FBXL17: variants seen among roughly 807,000 people sequenced by gnomAD.
FBXL17 encodes the protein F-box/LRR-repeat protein 17.
A neutral mutation model predicts 66.2 loss-of-function variants in FBXL17; 22 were observed. That is an observed-to-expected ratio of 0.33 (90% confidence interval 0.24 to 0.47). The LOEUF (loss-of-function observed/expected upper bound fraction) is 0.47. Among genes scored for constraint, FBXL17 ranks in the 20% least tolerant of loss-of-function variants. The pLI is 1.00. For synonymous variants in FBXL17, 474 were observed against 400.5 expected, an observed-to-expected ratio of 1.18 and a Z score of -2.19; for missense variants, 878 against 948.2, an observed-to-expected ratio of 0.93 and a Z score of 0.97.
chr5:108,127,309 T>A (rs1408887037), intron 6 of FBXL17, among the ~76,000 whole-genome samples: 1 of 152,238 alleles, frequency 6.6e-6, no homozygotes, highest in Non-Finnish European at 1.5e-5. Context: ...AGAACTACAA[T>A]GATGATTAAC....
intron 6 of FBXL17, among the ~76,000 whole-genome samples, chr5:108,076,186 A>G (rs1748538395): frequency 6.6e-6 from 1 of 152,056 alleles, no homozygotes; most frequent in African/African-American, 2.4e-5. Flanking sequence ...TTTGTCTTTG[A>G]GCTTATATCT....
At chr5:107,983,042 G>C (rs1194144173) in intron 7 of FBXL17, among the ~76,000 whole-genome samples, 2 of 151,968 alleles carry the variant, frequency 1.3e-5, no homozygotes. Flanking sequence ...AGCCCCTTCA[G>C]TCAGCCTCTG....
At chr5:108,160,522 G>A (rs1425661188) in intron 6 of FBXL17, among the ~76,000 whole-genome samples, 1 of 152,042 alleles carries the variant, frequency 6.6e-6, no homozygotes, top group Non-Finnish European at 1.5e-5. Flanking sequence ...CATTCTACTG[G>A]GGCAAAATGA....
At chr5:108,021,136 C>CA in intron 6 of FBXL17, 135 bp from the exon 7 acceptor site, 1 of 581,992 alleles carries the variant, frequency 1.7e-6, no homozygotes, top group South Asian at 2.5e-5. Context: ...GTATTATATT[C>CA]CCTGCTTTAA....
Position 108,382,003 on chromosome 5 carries a change from G to T in FBXL17, c.-312C>A, listed in dbSNP as rs537448468. 1.6e-4 allele frequency: 180 copies of T among 1,154,348 alleles called. 1 individual carries two copies. In the African/African-American group the frequency reaches 2.7e-3, roughly 17 times the overall value. 71.5% of individuals were successfully genotyped at this position (1,154,348 alleles called of 1,614,324 possible). A position where few individuals can be genotyped will look rare whatever the true frequency, so the allele number is the denominator to read the frequency against. On this transcript the variant is annotated 5_prime_UTR_variant, in exon 1 of 9. Coordinates refer to ENST00000542267, the MANE Select transcript of FBXL17 (RefSeq NM_001163315.3). ...GCGACCAGTCCGGGCCCGGCCAGCC[G>T]GCTCAGTCAGTCAGCGGAGCGGCCG...
chr5:108,212,503 G>A (rs577177766), intron 5 of FBXL17, among the ~76,000 whole-genome samples: 10 of 152,208 alleles, frequency 6.6e-5, no homozygotes, highest in Admixed American at 6.5e-4. Context: ...CGTGACCTCT[G>A]AATGGGGTCT....
At chr5:108,158,895 CT>C (rs1028252134) in intron 6 of FBXL17, among the ~76,000 whole-genome samples, 1 of 151,882 alleles carries the variant, frequency 6.6e-6, no homozygotes, top group Admixed American at 6.6e-5. Context: ...CTTGATGAGT[CT>C]TTTTGGTTTT....
chr5:107,880,664 G>A, intron 8 of FBXL17: 1 of 1,206,062 alleles, frequency 8.3e-7, no homozygotes, highest in Non-Finnish European at 1.0e-6. Flanking sequence ...CTTTACTGTT[G>A]CTGGAAACTT....
At chr5:108,062,320 A>C (rs1312551738) in intron 6 of FBXL17, among the ~76,000 whole-genome samples, 1 of 152,192 alleles carries the variant, frequency 6.6e-6, no homozygotes, top group South Asian at 2.1e-4. Context: ...TTAAGTAAGC[A>C]TATTAGCATA....
intron 6 of FBXL17, among the ~76,000 whole-genome samples, chr5:108,098,111 T>C (rs978332905): frequency 1.3e-5 from 2 of 152,098 alleles, no homozygotes; most frequent in Non-Finnish European, 1.5e-5. Flanking sequence ...GATGGAAACA[T>C]AGTGACTTCA....
chr5:107,946,256 TA>T (rs1326919246), intron 7 of FBXL17, among the ~76,000 whole-genome samples: 5,973 of 16,330 alleles, frequency 0.37, 523 homozygotes, highest in South Asian at 0.4. Context: ...AATCTCATTT[TA>T]TATATATATA....
chr5:108,163,540 A>G (rs1001489038), intron 6 of FBXL17, among the ~76,000 whole-genome samples: 3 of 151,892 alleles, frequency 2.0e-5, no homozygotes, highest in Admixed American at 1.3e-4. Flanking sequence ...AGCGGGGACT[A>G]CAGGCGTCCG....
At chr5:108,205,791 A>G (rs1754091332) in intron 5 of FBXL17, among the ~76,000 whole-genome samples, 1 of 152,076 alleles carries the variant, frequency 6.6e-6, no homozygotes, top group African/African-American at 2.4e-5. Context: ...AGTGAGTGGC[A>G]TGATCTCAGC....
chr5:108,161,161 GATACATACATAC>G (rs36073647), intron 6 of FBXL17, among the ~76,000 whole-genome samples: 72 of 149,314 alleles, frequency 4.8e-4, no homozygotes, highest in Non-Finnish European at 7.4e-4. Flanking sequence ...TCAACAAATA[GATACATACATAC>G]ATACATACAT....
chr5:107,890,681 A>AAAG (rs35492193), intron 7 of FBXL17, among the ~76,000 whole-genome samples: 2 of 150,146 alleles, frequency 1.3e-5, no homozygotes, highest in Admixed American at 6.6e-5. Flanking sequence ...AAAAAAAAAA[A>AAAG]TTGTCTAACC....
intron 5 of FBXL17, among the ~76,000 whole-genome samples, chr5:108,207,914 T>C (rs1754195856): frequency 6.6e-6 from 1 of 152,148 alleles, no homozygotes; most frequent in Non-Finnish European, 1.5e-5. Flanking sequence ...CCACAATAGT[T>C]GAACAACACT....
rs1749895419 is a variant in FBXL17 at position 108,381,320 on chromosome 5, G to A, written c.372C>T (p.Ala124=). The part of the protein sequence containing the change: ...AAARRFLLSS[A]AAAAAAAASA... Reference sequence around the variant, plus strand: ...AGGCGGCAGCGGCGGCGGCGGCGGCGGCCGAGGATAGCAGGAAGCGGCGGG... The same window carrying A: ...AGGCGGCAGCGGCGGCGGCGGCGGCAGCCGAGGATAGCAGGAAGCGGCGGG... The change falls in exon 1 of 9, where the codon GCC becomes GCT. Residue 124 remains alanine, a synonymous_variant. Coordinates refer to ENST00000542267, the MANE Select transcript of FBXL17 (RefSeq NM_001163315.3). 9 of 1,391,574 alleles carry A rather than the reference G, an allele frequency of 6.5e-6. No homozygotes were observed. Among genetic ancestry groups the A allele is most frequent in the Non-Finnish European group, 8.4e-6 (9 of 1,077,800 alleles). 86.2% of individuals were successfully genotyped at this position (1,391,574 alleles called of 1,614,324 possible). A position where few individuals can be genotyped will look rare whatever the true frequency, so the allele number is the denominator to read the frequency against.
At chr5:108,163,402 T>TTTC (rs1752290856) in intron 6 of FBXL17, among the ~76,000 whole-genome samples, 1 of 70,710 alleles carries the variant, frequency 1.4e-5, no homozygotes, top group Non-Finnish European at 3.8e-5. Flanking sequence ...TTTTTTTCTT[T>TTTC]TTTTTTTTTT....
At chr5:108,153,243 T>A (rs1334617510) in intron 6 of FBXL17, among the ~76,000 whole-genome samples, 1 of 152,200 alleles carries the variant, frequency 6.6e-6, no homozygotes, top group South Asian at 2.1e-4. Flanking sequence ...CTATATTTTA[T>A]CTGGCAATCC....
Sources: allele counts gnomAD v4.1 joint callset (sites outside exome capture counted in the v4.1 genomes callset), GRCh38; gene constraint gnomAD v4.1.1; transcripts MANE v1.5; gene names NCBI Gene and HGNC (gene_info 2026-07-23, HGNC 2026-07-21).